The following TFAP2D variants were observed in gnomAD, a reference collection of about 807,000 sequenced individuals.
TFAP2D encodes the protein transcription factor AP-2 delta.
TFAP2D carries 9 observed loss-of-function variants against 43.6 expected under a neutral mutation model. The ratio of observed to expected loss-of-function variants is 0.21; its 90% CI spans 0.12 to 0.36. The LOEUF is 0.36. Ranked by LOEUF, TFAP2D falls within the 10% of genes least tolerant of loss-of-function variation. TFAP2D has a pLI of 1.00. For missense variants in TFAP2D, 513 were observed against 561.4 expected, an observed-to-expected ratio of 0.91 and a Z score of 0.87; for synonymous variants, 256 against 224.9, an observed-to-expected ratio of 1.14 and a Z score of -1.24.
intron 5 of TFAP2D, among the ~76,000 whole-genome samples, chr6:50,739,552 A>G (rs1769008806): frequency 1.3e-5 from 2 of 152,196 alleles, no homozygotes; most frequent in Non-Finnish European, 2.9e-5. Context: ...TTATGGGAGT[A>G]GCAAGGGTTG....
intron 3 of TFAP2D, among the ~76,000 whole-genome samples, chr6:50,719,911 T>G (rs904963982): frequency 6.6e-6 from 1 of 152,190 alleles, no homozygotes; most frequent in African/African-American, 2.4e-5. Flanking sequence ...GGGGGCTGCA[T>G]CTCAGATGTT....
chr6:50,745,391 C>G (rs1769111435), intron 6 of TFAP2D, 143 bp downstream of exon 6: 1 of 1,207,788 alleles, frequency 8.3e-7, no homozygotes, highest in Admixed American at 2.7e-5. Flanking sequence ...ATATATTAAA[C>G]AAGGACTTTC....
chr6:50,720,834 G>T (rs990347888), intron 3 of TFAP2D, among the ~76,000 whole-genome samples: 4 of 152,138 alleles, frequency 2.6e-5, no homozygotes, highest in African/African-American at 7.2e-5. Context: ...ACGGGAGCCC[G>T]CTTCTCCCAC....
At chr6:50,717,825 T>TG (rs1768652403) in intron 2 of TFAP2D, among the ~76,000 whole-genome samples, 1 of 152,216 alleles carries the variant, frequency 6.6e-6, no homozygotes, top group African/African-American at 2.4e-5. Context: ...AAACAAGAAA[T>TG]GGGGAGGGAG....
chr6:50,728,856 G>A lies in TFAP2D; in HGVS notation c.599G>A (p.Gly200Asp). The A allele has an allele frequency of 1.2e-6, 2 of 1,611,742 alleles. No homozygotes were observed. The highest frequency in any genetic ancestry group is 1.7e-6 in the Non-Finnish European group (2 of 1,179,168). ...LNGQGGVIRR[G>D]GTCVVNPTDL... ...TGTTATATACTTTTTTTCTCCCAAGGTGGCACCTGTGTGGTCAACCCCACA... is the reference window on the plus strand; with the variant it reads ...TGTTATATACTTTTTTTCTCCCAAGATGGCACCTGTGTGGTCAACCCCACA... The change falls in exon 4 of 8, where the codon GGT (glycine) becomes GAT (aspartate). Residue 200 changes from glycine to aspartate, a missense_variant and splice_region_variant. Physicochemically the swap from Gly to Asp is moderately conservative, Grantham distance 94 (BLOSUM62 -1). Coordinates refer to ENST00000008391, the MANE Select transcript of TFAP2D (RefSeq NM_172238.4).
At chr6:50,716,462 G>GGAAC (rs1768629992) in intron 2 of TFAP2D, among the ~76,000 whole-genome samples, 1 of 151,760 alleles carries the variant, frequency 6.6e-6, no homozygotes, top group Non-Finnish European at 1.5e-5. Flanking sequence ...AAGGAGAAAA[G>GGAAC]GAAGGAAGGA....
intron 3 of TFAP2D, among the ~76,000 whole-genome samples, chr6:50,720,877 G>A (rs1477076052): frequency 6.6e-6 from 1 of 152,194 alleles, no homozygotes; most frequent in African/African-American, 2.4e-5. Context: ...TTTTGCATTC[G>A]CTTTCACACT....
rs779286475 is a variant in TFAP2D at position 50,729,140 on chromosome 6, A to T, written c.765-54A>T. On this transcript the variant is annotated intron_variant, in intron 4 of 7. Coordinates refer to ENST00000008391, the MANE Select transcript of TFAP2D (RefSeq NM_172238.4). ...CCCCATGTGGTCAAGTCGTCTCATA[A>T]TTTTCATCAGAATGTGAAATTTCAA... 57 of 1,607,790 alleles carry T rather than the reference A, an allele frequency of 3.5e-5. No homozygotes were observed. The Middle Eastern group carries it at 5.0e-4, about 14-fold the overall frequency.
chr6:50,765,221 C>A (rs535370269), intron 7 of TFAP2D, among the ~76,000 whole-genome samples: 15 of 152,260 alleles, frequency 9.9e-5, no homozygotes, highest in Admixed American at 5.2e-4. Flanking sequence ...AGCATAATGT[C>A]TTCCAGATTC....
intron 7 of TFAP2D, among the ~76,000 whole-genome samples, chr6:50,764,315 A>G (rs1228465814): frequency 6.6e-6 from 1 of 152,184 alleles, no homozygotes; most frequent in African/African-American, 2.4e-5. Context: ...AAAGAAAGCA[A>G]AGAATTATTT....
At chr6:50,715,042 G>C (rs1049545408) in intron 1 of TFAP2D, 74 bp from the exon 2 acceptor site, 1 of 1,549,634 alleles carries the variant, frequency 6.5e-7, no homozygotes, top group African/African-American at 1.4e-5. Flanking sequence ...CTGGCTCCGG[G>C]AGAGCGGCGC....
chr6:50,760,074 T>C (rs1769341717), intron 7 of TFAP2D, among the ~76,000 whole-genome samples: 1 of 152,062 alleles, frequency 6.6e-6, no homozygotes, highest in South Asian at 2.1e-4. Context: ...ACAATGCATA[T>C]TGGCATACCA....
In TFAP2D at chr6:50,772,684, A is replaced by G; in HGVS notation, c.1179A>G (p.Ala393=). The part of the protein sequence containing the change: ...THGFGTPAIC[A]ALSTFQTVLS... ...GCTTTGGGACTCCGGCAATATGTGCAGCTCTAAGCACTTTCCAAACAGTTC... is the reference window on the plus strand; with the variant it reads ...GCTTTGGGACTCCGGCAATATGTGCGGCTCTAAGCACTTTCCAAACAGTTC... Residue 393 remains alanine (A), a synonymous_variant, in exon 8 of 8, where the codon GCA becomes GCG. Coordinates refer to ENST00000008391, the MANE Select transcript of TFAP2D (RefSeq NM_172238.4). 1 of 1,614,144 alleles carries G rather than the reference A, an allele frequency of 6.2e-7. No individual in the cohort carries two copies. The highest frequency in any genetic ancestry group is 8.5e-7 in the Non-Finnish European group (1 of 1,179,998).
At chr6:50,735,356 A>G (rs1046773176) in intron 5 of TFAP2D, among the ~76,000 whole-genome samples, 2 of 152,102 alleles carry the variant, frequency 1.3e-5, no homozygotes, top group Non-Finnish European at 2.9e-5. Flanking sequence ...TCACGGATAG[A>G]AAAAGGGTTA....
intron 6 of TFAP2D, among the ~76,000 whole-genome samples, chr6:50,747,240 A>C (rs1769137965): frequency 6.6e-6 from 1 of 152,160 alleles, no homozygotes; most frequent in Middle Eastern, 3.2e-3. Flanking sequence ...AAAGGAGCTG[A>C]AAGCACATAT....
intron 5 of TFAP2D, among the ~76,000 whole-genome samples, chr6:50,742,140 G>A (rs1769054424): frequency 1.3e-5 from 2 of 152,030 alleles, no homozygotes; most frequent in South Asian, 4.1e-4. Context: ...ATTAATGGAT[G>A]CATTTATTCA....
At chr6:50,769,193 C>T (rs538464608) in intron 7 of TFAP2D, among the ~76,000 whole-genome samples, 1 of 152,234 alleles carries the variant, frequency 6.6e-6, no homozygotes, top group Admixed American at 6.5e-5. Context: ...TGCGCCCAGC[C>T]CTGAAGTGGT....
At chr6:50,751,401 G>A (rs1769197684) in intron 7 of TFAP2D, 77 bp downstream of exon 7, 2 of 990,682 alleles carry the variant, frequency 2.0e-6, no homozygotes, top group South Asian at 2.7e-5. Context: ...TCTATTTAGA[G>A]ATACCACTTA....
At chr6:50,744,559 A>G (rs1242549449) in intron 5 of TFAP2D, among the ~76,000 whole-genome samples, 1 of 152,134 alleles carries the variant, frequency 6.6e-6, no homozygotes, top group Non-Finnish European at 1.5e-5. Context: ...TTCGTACCCC[A>G]TTTCTTAAAA....
Sources: gnomAD v4.1 joint callset for allele counts (sites outside exome capture counted in the v4.1 genomes callset) on GRCh38, gnomAD v4.1.1 for gene constraint, MANE v1.5 for transcripts, NCBI Gene and HGNC (gene_info 2026-07-23, HGNC 2026-07-21) for gene names.